ATP7A: variants seen among roughly 807,000 people sequenced by gnomAD.
ATP7A encodes the protein ATPase copper transporting alpha.
ATP7A carries 7 observed loss-of-function variants against 83.5 expected under a neutral mutation model. That is an observed-to-expected ratio of 0.08 (90% CI 0.05 to 0.16). The LOEUF is 0.16. Among genes scored for constraint, ATP7A ranks in the 10% least tolerant of loss-of-function variants. ATP7A has a pLI of 1.00. For missense variants in ATP7A, 940 were observed against 1,120.8 expected, an observed-to-expected ratio of 0.84 and a Z score of 2.30; for synonymous variants, 354 against 395.2, an observed-to-expected ratio of 0.90 and a Z score of 1.24.
intron 1 of ATP7A, among the ~76,000 whole-genome samples, chrX:77,956,797 C>CTCTTTCT (rs1569549171): frequency 1.2e-5 from 1 of 82,709 alleles, no homozygotes; most frequent in Non-Finnish European, 2.4e-5. Context: ...CTCTTTCTTT[C>CTCTTTCT]TTTTTTTTTT....
intron 4 of ATP7A, among the ~76,000 whole-genome samples, chrX:77,992,602 A>G (rs868925247): frequency 2.7e-5 from 3 of 111,132 alleles, no homozygotes; most frequent in African/African-American, 9.8e-5. Context: ...CATTTTACCT[A>G]TCACCACTTA....
intron 4 of ATP7A, among the ~76,000 whole-genome samples, 163 bp from the exon 5 acceptor site, chrX:77,998,315 C>T (rs1213725827): frequency 1.8e-5 from 2 of 111,509 alleles, no homozygotes; most frequent in Non-Finnish European, 3.8e-5. Flanking sequence ...GAAGTCACTG[C>T]GGAGGAAAGT....
intron 1 of ATP7A, among the ~76,000 whole-genome samples, chrX:77,931,009 C>CTTTTTTTTTTTTTTTTT (rs11379657): frequency 4.5e-5 from 3 of 67,265 alleles, no homozygotes; most frequent in Admixed American, 1.9e-4. Context: ...TTTTTTTTAC[C>CTTTTTTTTTTTTTTTTT]TTTTTTTTTA....
chrX:77,997,450 A>T lies in ATP7A; in HGVS notation c.1337-1028A>T, dbSNP rs2077711263. The stretch of plus-strand genomic sequence containing the variant: ...TCTTCCAAACTTGCTCATCTTCAAC[A>T]TCCTGAAAACCAGCTCTTCTGTGCA... On this transcript the variant is annotated intron_variant, in intron 4 of 22. Coordinates refer to ENST00000341514, the MANE Select transcript of ATP7A (RefSeq NM_000052.7). Among the ~76,000 whole-genome samples, 5 of 112,388 alleles carry T rather than the reference A, an allele frequency of 4.4e-5. No homozygotes were observed. In the Admixed American group the frequency reaches 4.7e-4, roughly 11 times the overall value.
At chrX:78,026,097 T>G (rs1182071053) in intron 14 of ATP7A, among the ~76,000 whole-genome samples, 2 of 111,455 alleles carry the variant, frequency 1.8e-5, no homozygotes, top group Non-Finnish European at 3.8e-5. Context: ...ATATTAAACT[T>G]GAATGTAAAT....
At chrX:77,938,225 AC>A (rs1557225250) in intron 1 of ATP7A, among the ~76,000 whole-genome samples, 1 of 112,286 alleles carries the variant, frequency 8.9e-6, no homozygotes, top group African/African-American at 3.2e-5. Context: ...TACCAGATAA[AC>A]TTTTTCCACT....
At position 78,033,722 on chromosome X, in the gene ATP7A, G is replaced by A. The variant is rs782591033; in HGVS notation, c.3412G>A (p.Glu1138Lys). 1.7e-6 allele frequency: 2 copies of A among 1,210,269 alleles called. No individual in the cohort carries two copies. Among genetic ancestry groups the A allele is most frequent in the South Asian group, 3.5e-5 (2 of 56,946 alleles). The change falls in exon 17 of 23, where the codon GAG becomes AAG. Residue 1138 changes from glutamate to lysine, a missense_variant. By Grantham distance (56) the Glu-to-Lys change is moderately conservative. Around this residue, in one of 3 missense-constraint regions of ATP7A, gnomAD observed 386 missense variants for 502.2 expected, o/e 0.77. Transcript: ENST00000341514. ...GCTACATAAGAATAACTGGAATATA[G>A]AGGACAATAATATTAAAAATGCATC... ...GLLHKNNWNI[E>K]DNNIKNASLV...
chrX:77,937,802 T>C (rs1293366836), intron 1 of ATP7A, among the ~76,000 whole-genome samples: 9 of 108,055 alleles, frequency 8.3e-5, no homozygotes, highest in South Asian at 4.0e-4. Flanking sequence ...GGTTTGGGGG[T>C]ATAGGGAAGT....
In ATP7A at chrX:77,943,246, G is replaced by A. The variant is rs2077361047; in HGVS notation, c.-21-28375G>A. ...TTATAAATTTAAGATTAATCTTACA[G>A]ATTTGAAAATTAAAGAATCACATTC... On this transcript the variant is annotated intron_variant, in intron 1 of 22. Transcript: ENST00000341514. Among the ~76,000 whole-genome samples the A allele has an allele frequency of 2.7e-5, 3 of 112,385 alleles. No individual in the cohort carries two copies. In the Admixed American group the frequency reaches 2.8e-4, roughly 11 times the overall value.
chrX:77,970,791 A>G (rs1039272826), intron 1 of ATP7A, among the ~76,000 whole-genome samples: 7 of 112,596 alleles, frequency 6.2e-5, no homozygotes, highest in Non-Finnish European at 1.9e-5. Context: ...AAGGAGTAGC[A>G]AAGAATTTGT....
At chrX:78,044,853 G>A (rs1231481577) in intron 21 of ATP7A, among the ~76,000 whole-genome samples, 1 of 111,751 alleles carries the variant, frequency 8.9e-6, no homozygotes, top group Non-Finnish European at 1.9e-5. Flanking sequence ...GAAATGACAT[G>A]AGAACAATTA....
chrX:78,038,977 T>C lies in ATP7A; in HGVS notation c.3653T>C (p.Val1218Ala). 1 of 1,210,760 alleles carries C rather than the reference T, an allele frequency of 8.3e-7. No homozygotes were observed. Residue 1218 changes from valine (V) to alanine (A), a missense_variant, in exon 18 of 23, where the codon GTT becomes GCT. Physicochemically the swap from Val to Ala is moderately conservative, Grantham distance 64. Coordinates refer to ENST00000341514, the MANE Select transcript of ATP7A (RefSeq NM_000052.7). ...GGTCGGACTGCTGTATTAGTAGCAG[T>C]TGATGGTAAGGTTTTCCATAAGTAT... ...RKGRTAVLVA[V>A]DDELCGLIAI...
intron 17 of ATP7A, among the ~76,000 whole-genome samples, chrX:78,037,516 C>G (rs184553926): frequency 5.1e-4 from 56 of 110,700 alleles, no homozygotes; most frequent in African/African-American, 1.8e-3. Flanking sequence ...GATAAGAACC[C>G]CAAGGAGTGA....
intron 1 of ATP7A, among the ~76,000 whole-genome samples, chrX:77,958,620 C>T (rs1286418182): frequency 9.1e-6 from 1 of 110,049 alleles, no homozygotes; most frequent in Non-Finnish European, 1.9e-5. Context: ...TAGTTTTTTC[C>T]TATGTGAAGA....
chrX:78,005,307 A>G (rs782233503), intron 6 of ATP7A, among the ~76,000 whole-genome samples: 1 of 111,492 alleles, frequency 9.0e-6, no homozygotes, highest in East Asian at 2.8e-4. Context: ...TAGACTCACA[A>G]GTAAGTAAAA....
chrX:77,974,719 A>G, intron 2 of ATP7A: 1 of 296,022 alleles, frequency 3.4e-6, no homozygotes, highest in Admixed American at 6.1e-5. Flanking sequence ...GCATATAGAG[A>G]TGATCATATG....
intron 1 of ATP7A, among the ~76,000 whole-genome samples, chrX:77,931,009 C>CTTTTTTTTTTTTTTTTTTTTTTTTTTT (rs11379657): frequency 1.5e-5 from 1 of 67,263 alleles, no homozygotes; most frequent in African/African-American, 6.0e-5. Flanking sequence ...TTTTTTTTAC[C>CTTTTTTTTTTTTTTTTTTTTTTTTTTT]TTTTTTTTTA....
At chrX:77,940,926 A>C (rs1557225570) in intron 1 of ATP7A, among the ~76,000 whole-genome samples, 1 of 112,319 alleles carries the variant, frequency 8.9e-6, no homozygotes, top group Non-Finnish European at 1.9e-5. Flanking sequence ...CTATACTGCT[A>C]GTGTAAGTGT....
intron 1 of ATP7A, among the ~76,000 whole-genome samples, chrX:77,935,680 G>A (rs782302407): frequency 9.0e-6 from 1 of 111,113 alleles, no homozygotes; most frequent in Non-Finnish European, 1.9e-5. Flanking sequence ...CCCCAAATTA[G>A]CAATTTTGTT....
Sources: gnomAD v4.1 joint callset for allele counts (sites outside exome capture counted in the v4.1 genomes callset) on GRCh38, gnomAD v4.1.1 for gene constraint, gnomAD v4.1.1 regional missense constraint, MANE v1.5 for transcripts, NCBI Gene and HGNC (gene_info 2026-07-23, HGNC 2026-07-21) for gene names.